NEO1: variants seen among roughly 807,000 people sequenced by gnomAD.
NEO1 encodes the protein neogenin.
NEO1 carries 63 observed loss-of-function variants against 159.7 expected under a neutral mutation model. The observed-to-expected ratio is 0.39, with a 90% CI of 0.32 to 0.49. The LOEUF (loss-of-function observed/expected upper bound fraction) is 0.49. Among genes scored for constraint, NEO1 ranks in the 20% least tolerant of loss-of-function variants. NEO1 has a pLI of 0.85. For synonymous variants in NEO1, 633 were observed against 662.0 expected (o/e 0.96, Z 0.67); for missense variants, 1,615 against 1,831.0 (o/e 0.88, Z 2.15).
intron 5 of NEO1, chr15:73,162,743 C>G (rs1248778714): frequency 5.9e-6 from 1 of 168,454 alleles, no homozygotes; most frequent in Non-Finnish European, 1.3e-5. Context: ...AATTCATTGT[C>G]TCTGTGTCAA....
At chr15:73,051,693 C>T (rs2067443538), upstream of NEO1, 1 of 151,806 alleles carries the variant, frequency 6.6e-6, no homozygotes, top group African/African-American at 2.4e-5. Flanking sequence ...CGACGGCGGC[C>T]CGGCTTGGGA....
At chr15:73,128,239 CA>C (rs2030576117) in intron 4 of NEO1, among the ~76,000 whole-genome samples, 1 of 143,190 alleles carries the variant, frequency 7.0e-6, no homozygotes, top group Admixed American at 6.8e-5. Flanking sequence ...TATAAGACTT[CA>C]TTTTTTTTTT....
intron 5 of NEO1, among the ~76,000 whole-genome samples, chr15:73,143,671 C>A (rs967190500): frequency 1.3e-5 from 2 of 152,098 alleles, no homozygotes; most frequent in Non-Finnish European, 2.9e-5. Context: ...TTAGCACTTT[C>A]CCCCTAAATC....
intron 1 of NEO1, among the ~76,000 whole-genome samples, chr15:73,114,424 C>T (rs1463746029): frequency 6.6e-6 from 1 of 152,102 alleles, no homozygotes; most frequent in African/African-American, 2.4e-5. Flanking sequence ...ACTGAGAGAA[C>T]AAAATACAAA....
At chr15:73,192,632 A>C (rs933560649) in intron 7 of NEO1, among the ~76,000 whole-genome samples, 9 of 152,040 alleles carry the variant, frequency 5.9e-5, no homozygotes, top group Non-Finnish European at 1.2e-4. Context: ...CTAGTTAAAT[A>C]CAGAATAGAG....
chr15:73,221,122 G>A (rs1424306996), intron 7 of NEO1, among the ~76,000 whole-genome samples: 1 of 152,158 alleles, frequency 6.6e-6, no homozygotes, highest in Non-Finnish European at 1.5e-5. Context: ...TGTCCTTTCT[G>A]TTTGTTAGTT....
At chr15:73,208,265 G>C (rs1216803687) in intron 7 of NEO1, among the ~76,000 whole-genome samples, 1 of 152,156 alleles carries the variant, frequency 6.6e-6, no homozygotes, top group Non-Finnish European at 1.5e-5. Flanking sequence ...AAAGAAGTTT[G>C]TGCCATTTCA....
chr15:73,181,446 A>T (rs1442021945), intron 7 of NEO1, among the ~76,000 whole-genome samples: 1 of 152,182 alleles, frequency 6.6e-6, no homozygotes, highest in Non-Finnish European at 1.5e-5. Context: ...GAAATACGTG[A>T]GGCTAGGTAA....
chr15:73,214,129 T>C (rs570923827), intron 7 of NEO1, among the ~76,000 whole-genome samples: 1 of 152,158 alleles, frequency 6.6e-6, no homozygotes, highest in African/African-American at 2.4e-5. Flanking sequence ...TCTTACTGTT[T>C]TGTTTAAATT....
chr15:73,203,384 C>T (rs539154567), intron 7 of NEO1, among the ~76,000 whole-genome samples: 1 of 152,216 alleles, frequency 6.6e-6, no homozygotes, highest in Admixed American at 6.5e-5. Context: ...TTGTAGACAG[C>T]ACATAGTTTG....
At chr15:73,154,236 G>A (rs1287862682) in intron 5 of NEO1, among the ~76,000 whole-genome samples, 1 of 151,914 alleles carries the variant, frequency 6.6e-6, no homozygotes, top group African/African-American at 2.4e-5. Flanking sequence ...GTAATAGTTG[G>A]TGTATATATT....
intron 7 of NEO1, among the ~76,000 whole-genome samples, chr15:73,179,006 GT>G (rs1321589765): frequency 7.2e-5 from 11 of 152,004 alleles, no homozygotes; most frequent in Non-Finnish European, 1.5e-4. Context: ...GAAATTTTTA[GT>G]TTTTCCAGAA....
chr15:73,300,992 G>T (rs1369309892), intron 27 of NEO1, among the ~76,000 whole-genome samples: 1 of 152,178 alleles, frequency 6.6e-6, no homozygotes, highest in Non-Finnish European at 1.5e-5. Context: ...CAGTGCAAAG[G>T]CAAACACAGT....
intron 5 of NEO1, among the ~76,000 whole-genome samples, chr15:73,170,759 T>C (rs140548297): frequency 1.2e-3 from 178 of 152,302 alleles, no homozygotes; most frequent in African/African-American, 4.2e-3. Flanking sequence ...CTTTTCGAAG[T>C]ACGGTACTTT....
chr15:73,129,349 G>A (rs1298109147), intron 4 of NEO1, among the ~76,000 whole-genome samples: 1 of 151,868 alleles, frequency 6.6e-6, no homozygotes, highest in Non-Finnish European at 1.5e-5. Context: ...AGGCTTAGAA[G>A]TTGAAAGAAA....
chr15:73,160,727 G>A (rs772023492), intron 5 of NEO1, among the ~76,000 whole-genome samples: 2 of 152,158 alleles, frequency 1.3e-5, no homozygotes, highest in Non-Finnish European at 2.9e-5. Context: ...AAGGGGCATG[G>A]ACTTTCCATG....
At chr15:73,115,068 C>T (rs1434746402) in intron 1 of NEO1, among the ~76,000 whole-genome samples, 6 of 150,876 alleles carry the variant, frequency 4.0e-5, no homozygotes, top group East Asian at 1.9e-4. Context: ...TTTTTTGAGA[C>T]GGAGTCTGGC....
intron 11 of NEO1, among the ~76,000 whole-genome samples, chr15:73,251,680 C>G (rs1405782319): frequency 6.6e-6 from 1 of 152,124 alleles, no homozygotes; most frequent in Admixed American, 6.6e-5. Flanking sequence ...CAAATTTTAA[C>G]TGCATTAAGT....
intron 3 of NEO1, among the ~76,000 whole-genome samples, chr15:73,125,368 A>G (rs1332724941): frequency 6.6e-6 from 1 of 152,354 alleles, no homozygotes; most frequent in East Asian, 1.9e-4. Flanking sequence ...TGACTCCACC[A>G]TTAGTTGGCT....
Sources: allele counts gnomAD v4.1 joint callset (sites outside exome capture counted in the v4.1 genomes callset), GRCh38; gene constraint gnomAD v4.1.1; transcripts MANE v1.5; gene names NCBI Gene and HGNC (gene_info 2026-07-23, HGNC 2026-07-21).